Variants in RBMS3 observed in about 807,000 individuals in gnomAD.
RBMS3 encodes the protein RNA-binding motif, single-stranded-interacting protein 3.
In RBMS3, 27 loss-of-function variants were observed where a neutral mutation model predicts 66.8. That is an observed-to-expected ratio of 0.40 (90% CI 0.30 to 0.56). The LOEUF is 0.56. Among genes scored for constraint, RBMS3 ranks in the 20% least tolerant of loss-of-function variants. The probability of loss-of-function intolerance (pLI) is 0.40; values close to 1 mark genes in which losing one functional copy is unlikely to be tolerated. For missense variants in RBMS3, 513 were observed against 549.5 expected, an observed-to-expected ratio of 0.93 and a Z score of 0.66; for synonymous variants, 188 against 183.0, an observed-to-expected ratio of 1.03 and a Z score of -0.22.
intron 3 of RBMS3, among the ~76,000 whole-genome samples, chr3:29,584,972 T>C (rs530756861): frequency 1.3e-5 from 2 of 152,256 alleles, no homozygotes; most frequent in East Asian, 3.9e-4. Context: ...AAAATCTATA[T>C]TATATGCTGT....
At chr3:29,460,647 A>G (rs1250372983) in intron 2 of RBMS3, among the ~76,000 whole-genome samples, 2 of 152,208 alleles carry the variant, frequency 1.3e-5, no homozygotes, top group Non-Finnish European at 2.9e-5. Flanking sequence ...GTCAACCTAC[A>G]TAACAAATTT....
intron 5 of RBMS3, among the ~76,000 whole-genome samples, chr3:29,751,850 G>A (rs920587194): frequency 3.3e-5 from 5 of 152,168 alleles, no homozygotes; most frequent in African/African-American, 1.2e-4. Context: ...GCAGGAGCCG[G>A]GGCAAGTGCC....
At chr3:29,707,367 C>T (rs2052949982) in intron 4 of RBMS3, among the ~76,000 whole-genome samples, 1 of 152,124 alleles carries the variant, frequency 6.6e-6, no homozygotes, top group Non-Finnish European at 1.5e-5. Flanking sequence ...ATCGTTATAG[C>T]TAGAACATGT....
chr3:29,920,595 C>A (rs1179246892), intron 10 of RBMS3, among the ~76,000 whole-genome samples: 1 of 149,294 alleles, frequency 6.7e-6, no homozygotes, highest in Non-Finnish European at 1.5e-5. Flanking sequence ...TGGATATATC[C>A]TTGGAATATA....
chr3:29,893,094 G>A (rs1449138682), intron 8 of RBMS3, among the ~76,000 whole-genome samples: 1 of 151,316 alleles, frequency 6.6e-6, no homozygotes, highest in East Asian at 2.0e-4. Flanking sequence ...TTGGACTTGA[G>A]AAGAGCTTAT....
chr3:29,582,322 A>G (rs1348574706), intron 3 of RBMS3, among the ~76,000 whole-genome samples: 1 of 152,222 alleles, frequency 6.6e-6, no homozygotes, highest in Non-Finnish European at 1.5e-5. Context: ...ATATCTGCCA[A>G]TGGAATGAGT....
intron 6 of RBMS3, among the ~76,000 whole-genome samples, chr3:29,862,413 G>A (rs1283461866): frequency 1.3e-5 from 2 of 151,984 alleles, no homozygotes; most frequent in Admixed American, 6.6e-5. Flanking sequence ...ACATACACAC[G>A]GCAAACTTCA....
At chr3:29,681,563 T>C (rs1198754988) in intron 4 of RBMS3, among the ~76,000 whole-genome samples, 1 of 146,946 alleles carries the variant, frequency 6.8e-6, no homozygotes, top group Non-Finnish European at 1.5e-5. Context: ...TGTCCATGTG[T>C]TCAATCATTC....
At chr3:29,735,801 T>G (rs1019832540) in intron 4 of RBMS3, among the ~76,000 whole-genome samples, 5 of 152,196 alleles carry the variant, frequency 3.3e-5, no homozygotes, top group African/African-American at 1.2e-4. Flanking sequence ...TATCATCTAT[T>G]TCTAGCCTGT....
At chr3:29,667,573 T>C (rs185331562) in intron 4 of RBMS3, among the ~76,000 whole-genome samples, 3 of 152,340 alleles carry the variant, frequency 2.0e-5, no homozygotes, top group Admixed American at 1.3e-4. Context: ...TAAGATACTA[T>C]GTCTTATGCA....
At chr3:29,875,731 C>A (rs931705631) in intron 7 of RBMS3, among the ~76,000 whole-genome samples, 3 of 151,462 alleles carry the variant, frequency 2.0e-5, no homozygotes, top group Admixed American at 2.0e-4. Flanking sequence ...CTTTTTTTTC[C>A]AAGATTTTGA....
intron 3 of RBMS3, among the ~76,000 whole-genome samples, chr3:29,545,406 A>C (rs2045916383): frequency 6.6e-6 from 1 of 152,282 alleles, no homozygotes; most frequent in Middle Eastern, 3.4e-3. Context: ...ATTTGGGAAA[A>C]AATGTGTAAC....
At chr3:29,543,520 G>A (rs950104497) in intron 3 of RBMS3, among the ~76,000 whole-genome samples, 10 of 152,038 alleles carry the variant, frequency 6.6e-5, no homozygotes, top group African/African-American at 2.4e-4. Context: ...ACCAGCCTGG[G>A]CAACATAGTG....
At chr3:29,998,081 C>CA (rs1335570846) in intron 14 of RBMS3, among the ~76,000 whole-genome samples, 1 of 152,192 alleles carries the variant, frequency 6.6e-6, no homozygotes, top group Non-Finnish European at 1.5e-5. Flanking sequence ...TCTCAGGATA[C>CA]AAAATCAATG....
At chr3:29,662,441 C>T (rs147135902) in intron 4 of RBMS3, among the ~76,000 whole-genome samples, 54 of 152,266 alleles carry the variant, frequency 3.5e-4, no homozygotes, top group Admixed American at 1.0e-3. Context: ...TCCATTTCAA[C>T]TGTATGTAGT....
At chr3:29,519,651 G>T (rs2044777368) in intron 3 of RBMS3, among the ~76,000 whole-genome samples, 1 of 151,990 alleles carries the variant, frequency 6.6e-6, no homozygotes, top group African/African-American at 2.4e-5. Context: ...AAAATCTCCT[G>T]CTTGGCTTTC....
At chr3:29,528,996 G>T (rs561976618) in intron 3 of RBMS3, among the ~76,000 whole-genome samples, 1 of 152,156 alleles carries the variant, frequency 6.6e-6, no homozygotes, top group South Asian at 2.1e-4. Flanking sequence ...CACCCACCTT[G>T]GCCTCCCAAA....
At chr3:29,381,964 CCTGT>C (rs1475932458) in intron 1 of RBMS3, among the ~76,000 whole-genome samples, 3 of 152,082 alleles carry the variant, frequency 2.0e-5, no homozygotes. Flanking sequence ...TCTTTCCTTC[CCTGT>C]CTATCTCTTT....
chr3:30,003,830 C>G (rs1289484094), intron 14 of RBMS3, 26 bp from the exon 15 acceptor site: 1 of 1,399,376 alleles, frequency 7.1e-7, no homozygotes, highest in Non-Finnish European at 9.4e-7. Flanking sequence ...AATTTAATGA[C>G]CACTCTTATT....
Sources: gnomAD v4.1 joint callset for allele counts (sites outside exome capture counted in the v4.1 genomes callset) on GRCh38, gnomAD v4.1.1 for gene constraint, MANE v1.5 for transcripts, NCBI Gene and HGNC (gene_info 2026-07-23, HGNC 2026-07-21) for gene names.